The following MAPRE2 variants were observed in gnomAD, a reference collection of about 807,000 sequenced individuals.
The protein encoded by MAPRE2 is microtubule associated protein RP/EB family member 2.
A neutral mutation model predicts 43.2 loss-of-function variants in MAPRE2; 13 were observed. The ratio of observed to expected loss-of-function variants is 0.30; its 90% CI spans 0.20 to 0.48. MAPRE2 has a LOEUF of 0.48. MAPRE2 is among the 20% of genes least tolerant of loss of function. The probability of loss-of-function intolerance (pLI) is 0.99; values close to 1 mark genes in which losing one functional copy is unlikely to be tolerated. For synonymous variants in MAPRE2, 135 were observed against 148.8 expected (o/e 0.91, Z 0.68); for missense variants, 161 against 400.2 (o/e 0.40, Z 5.10).
chr18:34,994,001 T>C (rs1812990008), intron 1 of MAPRE2, among the ~76,000 whole-genome samples: 2 of 151,516 alleles, frequency 1.3e-5, no homozygotes, highest in South Asian at 2.1e-4. Flanking sequence ...TCTTTTTTTT[T>C]TTTTTTTTTT....
intron 4 of MAPRE2, among the ~76,000 whole-genome samples, chr18:35,117,219 G>C (rs1028233790): frequency 1.3e-5 from 2 of 152,212 alleles, no homozygotes; most frequent in African/African-American, 4.8e-5. Context: ...TAGAAGCAGA[G>C]ATCCCTGGAC....
chr18:35,101,238 G>C (rs1308715761), intron 3 of MAPRE2, among the ~76,000 whole-genome samples: 1 of 151,974 alleles, frequency 6.6e-6, no homozygotes, highest in African/African-American at 2.4e-5. Context: ...ATGATGTTTT[G>C]GTTTAGTTCT....
intron 2 of MAPRE2, among the ~76,000 whole-genome samples, chr18:35,076,146 T>C (rs1907341138): frequency 6.6e-6 from 1 of 152,256 alleles, no homozygotes; most frequent in Admixed American, 6.5e-5. Context: ...TCTTCGTTTA[T>C]GTCCTTAACT....
At chr18:35,118,426 A>G (rs1242625521) in intron 4 of MAPRE2, among the ~76,000 whole-genome samples, 3 of 152,192 alleles carry the variant, frequency 2.0e-5, no homozygotes, top group Admixed American at 6.5e-5. Flanking sequence ...TGCTGTTAAC[A>G]TTGCAAAACA....
At chr18:35,059,072 T>TCC (rs1005170154) in intron 1 of MAPRE2, among the ~76,000 whole-genome samples, 9 of 152,342 alleles carry the variant, frequency 5.9e-5, no homozygotes, top group Admixed American at 3.9e-4. Flanking sequence ...GTTTTACTCT[T>TCC]TCATTAGGCA....
At chr18:35,027,508 C>A (rs568033703) in intron 2 of MAPRE2, among the ~76,000 whole-genome samples, 7 of 152,234 alleles carry the variant, frequency 4.6e-5, no homozygotes, top group South Asian at 2.1e-4. Context: ...ACTGAGGAAG[C>A]CTTTATGAAG....
intron 1 of MAPRE2, among the ~76,000 whole-genome samples, chr18:34,985,539 TATAATA>T: frequency 1.5e-5 from 1 of 64,830 alleles, no homozygotes. Flanking sequence ...AAATATAATA[TATAATA>T]TATATATTAT....
chr18:35,019,672 C>T (rs963129116), intron 2 of MAPRE2, among the ~76,000 whole-genome samples: 3 of 151,834 alleles, frequency 2.0e-5, no homozygotes, highest in African/African-American at 4.8e-5. Context: ...TAGAGTTGAC[C>T]ATTATTTATC....
chr18:35,142,849 G>C lies in MAPRE2; in HGVS notation c.*2480G>C, dbSNP rs617849. The stretch of plus-strand genomic sequence containing the variant: ...CTCTCATCTCGGCATTCAGGGAACA[G>C]TTTCCTTAGCGGCCCCTGGTCACAT... On this transcript the variant is annotated 3_prime_UTR_variant, in exon 7 of 7. Transcript: ENST00000300249. The C allele has an allele frequency of 0.41, 62,423 of 151,748 alleles. 16,754 individuals carry two copies. The highest frequency in any genetic ancestry group is 0.76 in the African/African-American group (31,294 of 41,326). 9.4% of individuals were successfully genotyped at this position (151,748 alleles called of 1,614,324 possible).
At chr18:35,040,273 A>G (rs1023589750), upstream of MAPRE2, among the ~76,000 whole-genome samples, 1 of 152,212 alleles carries the variant, frequency 6.6e-6, no homozygotes. Flanking sequence ...GGGTCTTTTC[A>G]GTTTATAATC....
chr18:35,086,490 T>C (rs1907888099), intron 2 of MAPRE2, among the ~76,000 whole-genome samples: 1 of 152,058 alleles, frequency 6.6e-6, no homozygotes, highest in African/African-American at 2.4e-5. Context: ...GTATAGCTGA[T>C]ACTTCTAACA....
chr18:35,066,458 A>G (rs1285172636), intron 1 of MAPRE2, among the ~76,000 whole-genome samples: 1 of 152,270 alleles, frequency 6.6e-6, no homozygotes, highest in South Asian at 2.1e-4. Flanking sequence ...CCCAGAAATC[A>G]TAATGAAATC....
At chr18:35,082,637 C>G (rs1476995086) in intron 2 of MAPRE2, among the ~76,000 whole-genome samples, 2 of 152,138 alleles carry the variant, frequency 1.3e-5, no homozygotes, top group Non-Finnish European at 2.9e-5. Flanking sequence ...AGCTCTCTCT[C>G]TCTTTTCAAT....
intron 6 of MAPRE2, among the ~76,000 whole-genome samples, chr18:35,135,068 G>GTGCA (rs1249128123): frequency 2.0e-5 from 3 of 152,182 alleles, no homozygotes; most frequent in Non-Finnish European, 4.4e-5. Context: ...TGGGTTACCA[G>GTGCA]AGCAAGATGT....
chr18:35,104,238 T>A (rs16966451), intron 4 of MAPRE2, among the ~76,000 whole-genome samples: 28,286 of 152,130 alleles, frequency 0.19, 3,865 homozygotes, highest in African/African-American at 0.38. Context: ...CCTCAGAGAA[T>A]TGGTCCATTA....
At chr18:35,127,374 G>T (rs1485106614) in intron 5 of MAPRE2, 1 of 341,108 alleles carries the variant, frequency 2.9e-6, no homozygotes, top group East Asian at 6.3e-5. Context: ...GGGCCGTCAA[G>T]AGCTCCAGGC....
intron 2 of MAPRE2, among the ~76,000 whole-genome samples, chr18:35,007,800 T>A (rs1421641108): frequency 6.8e-6 from 1 of 147,580 alleles, no homozygotes; most frequent in African/African-American, 2.5e-5. Flanking sequence ...GGGTTTGAAC[T>A]GCACGGGCTT....
At chr18:35,063,999 TTAAAAAAAAAAAAAAAAA>T (rs1420275756) in intron 1 of MAPRE2, among the ~76,000 whole-genome samples, 11 of 60,734 alleles carry the variant, frequency 1.8e-4, no homozygotes, top group African/African-American at 5.0e-4. Context: ...CCCTGTCTCT[TTAAAAAAAAAAAAAAAAA>T]AAAAAAAAAA....
chr18:35,056,912 C>A (rs1906261392), intron 1 of MAPRE2, among the ~76,000 whole-genome samples: 1 of 152,218 alleles, frequency 6.6e-6, no homozygotes, highest in Non-Finnish European at 1.5e-5. Context: ...TAGCATAGCG[C>A]TGCAGAATCT....
Sources: allele counts gnomAD v4.1 joint callset (sites outside exome capture counted in the v4.1 genomes callset), GRCh38; gene constraint gnomAD v4.1.1; transcripts MANE v1.5; gene names NCBI Gene and HGNC (gene_info 2026-07-23, HGNC 2026-07-21).